Variants in AHCYL2 observed in about 807,000 individuals in gnomAD.
The protein encoded by AHCYL2 is adenosylhomocysteinase like 2.
AHCYL2 carries 28 observed loss-of-function variants against 81.4 expected under a neutral mutation model. The observed-to-expected ratio is 0.34, with a 90% CI of 0.25 to 0.47. AHCYL2 has a LOEUF of 0.47. AHCYL2 is among the 20% of genes least tolerant of loss of function. The pLI, the probability that AHCYL2 is intolerant of heterozygous loss-of-function variation, is 1.00. For synonymous variants in AHCYL2, 272 were observed against 290.2 expected (o/e 0.94, Z 0.64); for missense variants, 551 against 785.1 (o/e 0.70, Z 3.56).
intron 1 of AHCYL2, among the ~76,000 whole-genome samples, chr7:129,358,169 G>A (rs1293667757): frequency 5.3e-5 from 8 of 151,882 alleles, no homozygotes; most frequent in Admixed American, 2.0e-4. Context: ...CGAGGTGGGC[G>A]GATCACGAGG....
intron 1 of AHCYL2, among the ~76,000 whole-genome samples, chr7:129,279,110 G>A (rs1295629878): frequency 2.0e-5 from 3 of 152,226 alleles, no homozygotes; most frequent in African/African-American, 7.2e-5. Flanking sequence ...AAGCATCTGG[G>A]ATTTTTATTG....
At position 129,225,171 on chromosome 7, in the gene AHCYL2, G is replaced by A. The variant is rs773179020; in HGVS notation, c.95G>A (p.Gly32Glu). Reference sequence around the variant, plus strand: ...CCCTCCGAGGCGGAGTCGCAACTAGGACTGAGCACGGCCGCCGTGGGCGCC... The same window carrying A: ...CCCTCCGAGGCGGAGTCGCAACTAGAACTGAGCACGGCCGCCGTGGGCGCC... ...LSPSEAESQL[G>E]LSTAAVGAMA... is the part of the protein sequence containing the mutation. The change falls in exon 1 of 17, where the codon GGA becomes GAA. Residue 32 changes from glycine to glutamate, a missense_variant. By Grantham distance (98) the Gly-to-Glu change is moderately conservative. Around this residue, in one of 2 missense-constraint regions of AHCYL2, gnomAD observed 235 missense variants for 242.1 expected, o/e 0.97. Transcript: ENST00000325006. 6.3e-7 allele frequency: 1 copy of A among 1,591,112 alleles called. No individual in the cohort carries two copies. The highest frequency in any genetic ancestry group is 1.1e-5 in the South Asian group (1 of 88,436).
chr7:129,383,243 G>A (rs1473054459), intron 2 of AHCYL2, among the ~76,000 whole-genome samples: 1 of 151,894 alleles, frequency 6.6e-6, no homozygotes, highest in African/African-American at 2.4e-5. Flanking sequence ...ATGGCTTACT[G>A]TAGCCTCGAA....
At chr7:129,296,816 C>T (rs1797064471) in intron 1 of AHCYL2, among the ~76,000 whole-genome samples, 2 of 152,130 alleles carry the variant, frequency 1.3e-5, no homozygotes. Flanking sequence ...GATGCTTATA[C>T]CTATTTTTCA....
chr7:129,341,024 A>T (rs1485200977), intron 1 of AHCYL2, among the ~76,000 whole-genome samples: 1 of 152,198 alleles, frequency 6.6e-6, no homozygotes, highest in Non-Finnish European at 1.5e-5. Context: ...TGCTGGTTTG[A>T]TCAAAAGTTG....
At chr7:129,402,616 T>C (rs1401308082) in intron 6 of AHCYL2, among the ~76,000 whole-genome samples, 1 of 152,318 alleles carries the variant, frequency 6.6e-6, no homozygotes. Context: ...AGTTTTATAA[T>C]TCAAAAGCTT....
At chr7:129,327,987 G>A (rs974691081) in intron 1 of AHCYL2, among the ~76,000 whole-genome samples, 1 of 152,006 alleles carries the variant, frequency 6.6e-6, no homozygotes, top group South Asian at 2.1e-4. Context: ...TTGTAGAGAC[G>A]AAGTCTCACT....
chr7:129,246,151 C>T (rs764415340), intron 1 of AHCYL2, among the ~76,000 whole-genome samples: 12 of 151,936 alleles, frequency 7.9e-5, no homozygotes, highest in Non-Finnish European at 1.0e-4. Flanking sequence ...CTCTGCCTCC[C>T]GGGTTCAAGT....
At chr7:129,394,512 A>G (rs1365916781) in intron 4 of AHCYL2, among the ~76,000 whole-genome samples, 1 of 137,626 alleles carries the variant, frequency 7.3e-6, no homozygotes, top group Non-Finnish European at 1.5e-5. Context: ...CAACGGTGCA[A>G]TCTTGGCTCA....
At chr7:129,246,062 GTT>G (rs71162581) in intron 1 of AHCYL2, among the ~76,000 whole-genome samples, 4 of 140,780 alleles carry the variant, frequency 2.8e-5, no homozygotes, top group Admixed American at 7.1e-5. Context: ...TGTTGGATTT[GTT>G]TTTTTTTTTT....
At chr7:129,274,136 A>G (rs939910507) in intron 1 of AHCYL2, among the ~76,000 whole-genome samples, 1 of 152,220 alleles carries the variant, frequency 6.6e-6, no homozygotes, top group Non-Finnish European at 1.5e-5. Flanking sequence ...ATGGGCCAGT[A>G]ACTGTTATGT....
intron 1 of AHCYL2, among the ~76,000 whole-genome samples, chr7:129,345,124 C>T (rs1201767311): frequency 1.3e-5 from 2 of 152,130 alleles, no homozygotes; most frequent in Non-Finnish European, 2.9e-5. Flanking sequence ...CACTGCACTC[C>T]AGCCTGGGCC....
chr7:129,319,639 C>T (rs1189649072), intron 1 of AHCYL2, among the ~76,000 whole-genome samples: 1 of 152,054 alleles, frequency 6.6e-6, no homozygotes, highest in East Asian at 1.9e-4. Context: ...GCTGTCTTAC[C>T]ACAATAGATT....
intron 2 of AHCYL2, among the ~76,000 whole-genome samples, chr7:129,383,758 C>T (rs1163127877): frequency 6.6e-6 from 1 of 152,122 alleles, no homozygotes; most frequent in Non-Finnish European, 1.5e-5. Context: ...TTGAAACACG[C>T]CATGCACTCT....
chr7:129,290,681 A>G (rs962421754), intron 1 of AHCYL2, among the ~76,000 whole-genome samples: 2 of 152,158 alleles, frequency 1.3e-5, no homozygotes, highest in African/African-American at 4.8e-5. Flanking sequence ...CTGTAATCCC[A>G]GCACTTTGGG....
intron 11 of AHCYL2, 44 bp from the exon 12 acceptor site, chr7:129,413,549 AT>A (rs750713210): frequency 1.4e-6 from 2 of 1,424,878 alleles, no homozygotes; most frequent in Non-Finnish European, 2.0e-6. Context: ...CATTCTGTGG[AT>A]TATCTTTCTC....
intron 1 of AHCYL2, among the ~76,000 whole-genome samples, chr7:129,279,325 T>C (rs1796343515): frequency 6.6e-6 from 1 of 152,132 alleles, no homozygotes; most frequent in Non-Finnish European, 1.5e-5. Flanking sequence ...AATTTTTGTA[T>C]TTTTAATAGA....
chr7:129,394,205 C>A (rs1795603528), intron 4 of AHCYL2, among the ~76,000 whole-genome samples: 1 of 151,444 alleles, frequency 6.6e-6, no homozygotes, highest in Non-Finnish European at 1.5e-5. Context: ...GAGAAGAGAT[C>A]TTGCTGTGAT....
intron 1 of AHCYL2, among the ~76,000 whole-genome samples, chr7:129,236,628 C>T (rs535145530): frequency 2.6e-5 from 4 of 152,238 alleles, no homozygotes; most frequent in African/African-American, 4.8e-5. Flanking sequence ...AGTGCTTGGC[C>T]GTGTTTTAAA....
Sources: allele counts gnomAD v4.1 joint callset (sites outside exome capture counted in the v4.1 genomes callset), GRCh38; gene constraint gnomAD v4.1.1; regional missense constraint gnomAD v4.1.1; transcripts MANE v1.5; gene names NCBI Gene and HGNC (gene_info 2026-07-23, HGNC 2026-07-21).